Variants in MGAM observed in about 807,000 individuals in gnomAD.
MGAM encodes alpha-1,4-glucosidase.
In MGAM, 253 loss-of-function variants were observed where a neutral mutation model predicts 358.8. That is an observed-to-expected ratio of 0.71 (90% CI 0.64 to 0.78). MGAM has a LOEUF of 0.78. Ranked by LOEUF, MGAM falls within the 30% of genes least tolerant of loss-of-function variation. The pLI is 0.00. For missense variants in MGAM, 3,080 were observed against 3,432.6 expected (o/e 0.90, Z 2.57); for synonymous variants, 1,105 against 1,227.1 (o/e 0.90, Z 2.08).
At chr7:142,026,596 C>T (rs1806995773) in intron 8 of MGAM, among the ~76,000 whole-genome samples, 3 of 151,818 alleles carry the variant, frequency 2.0e-5, no homozygotes, top group African/African-American at 7.3e-5. Flanking sequence ...ATAAATGGGC[C>T]CTTAGGAGAG....
chr7:142,042,044 A>T lies in MGAM; in HGVS notation c.2498+1198A>T, dbSNP rs1369920427. Among the ~76,000 whole-genome samples the T allele has an allele frequency of 9.7e-4, 44 of 45,328 alleles. 4 individuals are homozygous for T. The highest frequency in any genetic ancestry group is 4.2e-3 in the African/African-American group (44 of 10,594). The allele number at this position is 45,328 out of a possible 152,430, so 29.7% of individuals were successfully genotyped here. ...ATATATATTATATTATATACATATA[A>T]TATATAATATATATACATATAATAT... On this transcript the variant is annotated intron_variant, in intron 21 of 70. Coordinates refer to ENST00000475668, the MANE Select transcript of MGAM (RefSeq NM_001365693.1).
chr7:141,988,003 C>G (rs994312469), intron 2 of MGAM, among the ~76,000 whole-genome samples: 1 of 152,062 alleles, frequency 6.6e-6, no homozygotes, highest in Non-Finnish European at 1.5e-5. Context: ...TAAAGTACTC[C>G]GAGGCTGGGC....
chr7:141,996,083 G>A (rs908459890), intron 1 of MGAM, among the ~76,000 whole-genome samples, 153 bp downstream of exon 1: 5 of 152,072 alleles, frequency 3.3e-5, no homozygotes, highest in Non-Finnish European at 7.4e-5. Context: ...GGCCGAGGCG[G>A]GTGGATCACG....
chr7:142,098,338 A>G (rs1816134356), intron 66 of MGAM, among the ~76,000 whole-genome samples: 1 of 152,072 alleles, frequency 6.6e-6, no homozygotes, highest in Non-Finnish European at 1.5e-5. Context: ...GGACCCTGAC[A>G]AGTCAGACCC....
intron 14 of MGAM, 122 bp from the exon 15 acceptor site, chr7:142,034,140 G>C: frequency 1.5e-6 from 1 of 645,268 alleles, no homozygotes; most frequent in Non-Finnish European, 2.8e-6. Flanking sequence ...GGAGCAGTGT[G>C]ACTGTTTACA....
At chr7:142,039,050 G>A (rs976609083) in intron 19 of MGAM, among the ~76,000 whole-genome samples, 5 of 151,586 alleles carry the variant, frequency 3.3e-5, no homozygotes, top group South Asian at 2.1e-4. Context: ...GAGGAGCAGC[G>A]ATGTCATATA....
intron 21 of MGAM, among the ~76,000 whole-genome samples, chr7:142,046,909 C>G (rs1563161656): frequency 2.0e-5 from 3 of 152,012 alleles, no homozygotes; most frequent in African/African-American, 7.2e-5. Context: ...TCGTTCAGAT[C>G]AGGGGTTGTG....
chr7:142,042,980 T>G (rs1465343292), intron 21 of MGAM, among the ~76,000 whole-genome samples: 6 of 47,266 alleles, frequency 1.3e-4, no homozygotes, highest in African/African-American at 2.8e-4. Context: ...ATATAATATA[T>G]ATATTATATA....
chr7:142,101,902 CTG>C lies in MGAM; in HGVS notation c.7964-726_7964-725del, dbSNP rs545455935. Reference sequence around the variant, plus strand: ...CAGCCTGGGCAACAAGAGCGAAACTCTGTCTCAAAAAAAAAAAAGAAAGAAAG... The same window carrying C: ...CAGCCTGGGCAACAAGAGCGAAACTCTCTCAAAAAAAAAAAAGAAAGAAAG... On this transcript the variant is annotated intron_variant, in intron 68 of 70. Transcript: ENST00000475668. 6.1e-3 allele frequency among the ~76,000 whole-genome samples: 743 copies of C among 120,864 alleles called. 2 individuals carry two copies. Among genetic ancestry groups the C allele is most frequent in the Middle Eastern group, 0.03 (7 of 234 alleles). 79.3% of individuals were successfully genotyped at this position (120,864 alleles called of 152,430 possible). A position where few individuals can be genotyped will look rare whatever the true frequency, so the allele number is the denominator to read the frequency against.
chr7:142,035,961 G>C (rs963091277), intron 16 of MGAM, among the ~76,000 whole-genome samples: 1 of 152,018 alleles, frequency 6.6e-6, no homozygotes, highest in Non-Finnish European at 1.5e-5. Context: ...GACAAAATGA[G>C]GAAATTGAGG....
chr7:142,025,136 C>T lies in MGAM; in HGVS notation c.969C>T (p.Asn323=), dbSNP rs781965662. ...TGTCCTTTGGGGTGTTTCTGATGAA[C>T]AGCAATGCCATGGGTAAAGGAATAT... ...SGLSFGVFLM[N]SNAMEVVLQP... Residue 323 remains asparagine, a synonymous_variant, in exon 8 of 71, where the codon AAC becomes AAT. Transcript: ENST00000475668. 1.2e-6 allele frequency: 2 copies of T among 1,606,828 alleles called. No individual in the cohort carries two copies. The highest frequency in any genetic ancestry group is 3.3e-5 in the Admixed American group (2 of 59,978).
chr7:142,005,771 G>T (rs1363836629), intron 2 of MGAM, 114 bp downstream of exon 2: 7 of 1,036,146 alleles, frequency 6.8e-6, no homozygotes, highest in Middle Eastern at 4.6e-4. Context: ...TGTTGCGGGG[G>T]CTGTTATATG....
chr7:142,103,532 C>A (rs1816609898), intron 70 of MGAM, 93 bp downstream of exon 70: 1 of 1,222,436 alleles, frequency 8.2e-7, no homozygotes, highest in Non-Finnish European at 1.1e-6. Flanking sequence ...GATGCCCTCT[C>A]CTGCCAGGCC....
At chr7:142,006,964 CT>C (rs1805213946) in intron 2 of MGAM, among the ~76,000 whole-genome samples, 1 of 152,044 alleles carries the variant, frequency 6.6e-6, no homozygotes, top group South Asian at 2.1e-4. Flanking sequence ...TAAGTTATTC[CT>C]TTGTAAACTG....
chr7:142,041,943 T>TAC (rs1808698084), intron 21 of MGAM, among the ~76,000 whole-genome samples: 2 of 16,360 alleles, frequency 1.2e-4, no homozygotes, highest in East Asian at 1.5e-3. Flanking sequence ...ATATATTATA[T>TAC]ATATACATAT....
chr7:142,039,391 G>A (rs528846922), intron 19 of MGAM, among the ~76,000 whole-genome samples: 75 of 152,084 alleles, frequency 4.9e-4, no homozygotes, highest in African/African-American at 1.4e-3. Context: ...GTGAGTCACC[G>A]CGCTTGGCCG....
chr7:142,041,899 T>TAC (rs1351697243), intron 21 of MGAM, among the ~76,000 whole-genome samples: 3 of 42,612 alleles, frequency 7.0e-5, no homozygotes, highest in Admixed American at 4.4e-4. Flanking sequence ...ATATATAATA[T>TAC]ATATATTATA....
intron 2 of MGAM, among the ~76,000 whole-genome samples, chr7:141,987,439 G>A (rs1803763180): frequency 6.6e-6 from 1 of 152,146 alleles, no homozygotes; most frequent in Non-Finnish European, 1.5e-5. Flanking sequence ...TATGATTCAG[G>A]CACTGTGTCT....
At chr7:142,105,401 G>C (rs4281038) in intron 70 of MGAM, among the ~76,000 whole-genome samples, 140,720 of 151,802 alleles carry the variant, frequency 0.93, 66,026 homozygotes, top group Non-Finnish European at 1. Flanking sequence ...GATTCTCCTG[G>C]CTTAGCCTCC....
Sources: gnomAD v4.1 joint callset for allele counts (sites outside exome capture counted in the v4.1 genomes callset) on GRCh38, gnomAD v4.1.1 for gene constraint, MANE v1.5 for transcripts, NCBI Gene and HGNC (gene_info 2026-07-23, HGNC 2026-07-21) for gene names.